Variants in BLVRA observed in about 807,000 individuals in gnomAD.
The protein encoded by BLVRA is biliverdin reductase A.
A neutral mutation model predicts 32.8 loss-of-function variants in BLVRA; 22 were observed. The observed-to-expected ratio is 0.67, with a 90% confidence interval of 0.48 to 0.96. BLVRA has a LOEUF of 0.96. BLVRA is among the 40% of genes least tolerant of loss of function. The pLI is 0.00. For synonymous variants in BLVRA, 119 were observed against 141.3 expected (o/e 0.84, Z 1.12); for missense variants, 323 against 358.1 (o/e 0.90, Z 0.79).
rs2095778828 is a variant in BLVRA, at chr7:43,787,198, C to T, written c.13-706C>T. ...TCGGCCTCCCAAAGTGCTGGGATTA[C>T]AGGCGTGAGCCACCGTGCCCAGTGC... On this transcript the variant is annotated intron_variant, in intron 2 of 7. Transcript: ENST00000265523. The surrounding 1 kb of genome is among the most constrained non-coding windows in gnomAD (Gnocchi z 4.5). 6.6e-6 allele frequency among the ~76,000 whole-genome samples: 1 copy of T among 152,204 alleles called. No homozygotes were observed. Among genetic ancestry groups the T allele is most frequent in the Non-Finnish European group, 1.5e-5 (1 of 68,042 alleles).
chr7:43,792,712 A>G lies in BLVRA; in HGVS notation c.255-3A>G, dbSNP rs1585735376. 1.2e-6 allele frequency: 2 copies of G among 1,613,816 alleles called. No homozygotes were observed. The highest frequency in any genetic ancestry group is 1.7e-6 in the Non-Finnish European group (2 of 1,179,734). On this transcript the variant is annotated splice_polypyrimidine_tract_variant and splice_region_variant and intron_variant, in intron 4 of 7. Coordinates refer to ENST00000265523, the MANE Select transcript of BLVRA (RefSeq NM_000712.4). ...TTCTCTGTATTTGTCTCGTTTACCAAAGGCAGTTCCTTAATGCTGGCAAGC... is the reference window on the plus strand; with the variant it reads ...TTCTCTGTATTTGTCTCGTTTACCAGAGGCAGTTCCTTAATGCTGGCAAGC...
Position 43,773,959 on chromosome 7 carries a change from A to G in BLVRA, c.12+2789A>G, listed in dbSNP as rs1373049774. ...CTTCTTTTGAGAAGTGTCTATTCAT[A>G]TCCTTCGCCCACTTTTTGATGGGGT... On this transcript the variant is annotated intron_variant, in intron 2 of 7. Transcript: ENST00000265523. Among the ~76,000 whole-genome samples the G allele has an allele frequency of 2.0e-5, 3 of 152,260 alleles. No homozygotes were observed. The East Asian group carries it at 5.8e-4, about 29-fold the overall frequency.
intron 1 of BLVRA, among the ~76,000 whole-genome samples, chr7:43,762,121 G>T (rs1015239752): frequency 1.3e-5 from 2 of 152,126 alleles, no homozygotes; most frequent in African/African-American, 2.4e-5. Context: ...CGTTTGAGGA[G>T]GAACAAGGAG....
At chr7:43,770,133 T>C (rs10245471) in intron 1 of BLVRA, among the ~76,000 whole-genome samples, 23,113 of 152,194 alleles carry the variant, frequency 0.15, 2,206 homozygotes, top group Non-Finnish European at 0.21. Flanking sequence ...TTCAGAGGCC[T>C]TCTGCCCTCT....
chr7:43,792,685 CT>C (rs759609034), intron 4 of BLVRA, 29 bp from the exon 5 acceptor site: 16 of 1,583,140 alleles, frequency 1.0e-5, no homozygotes, highest in Non-Finnish European at 1.4e-5. Flanking sequence ...TCGAAGTGTT[CT>C]TTCTCTGTAT....
At chr7:43,759,136 C>T (rs1345836606) in intron 1 of BLVRA, among the ~76,000 whole-genome samples, 2 of 152,222 alleles carry the variant, frequency 1.3e-5, no homozygotes, top group African/African-American at 4.8e-5. Context: ...CACCGCAGGG[C>T]CGCTAGCTCG....
At chr7:43,802,532 C>T (rs2095799756) in intron 6 of BLVRA, among the ~76,000 whole-genome samples, 1 of 152,084 alleles carries the variant, frequency 6.6e-6, no homozygotes, top group South Asian at 2.1e-4. Flanking sequence ...GGGTATCACT[C>T]TGTCACCCAG....
intron 5 of BLVRA, among the ~76,000 whole-genome samples, chr7:43,797,963 A>G (rs3094952): frequency 0.8 from 121,212 of 151,718 alleles, 48,525 homozygotes; most frequent in Admixed American, 0.85. Flanking sequence ...AGGCCAAGGC[A>G]GGCAGATTAC....
chr7:43,783,275 G>A (rs1026296351), intron 2 of BLVRA, among the ~76,000 whole-genome samples: 5 of 152,164 alleles, frequency 3.3e-5, no homozygotes, highest in Non-Finnish European at 5.9e-5. Flanking sequence ...CCCAGCAAGA[G>A]CATGTCGCCA....
chr7:43,778,928 G>A (rs1004430430), intron 2 of BLVRA, among the ~76,000 whole-genome samples: 11 of 152,232 alleles, frequency 7.2e-5, no homozygotes, highest in South Asian at 2.1e-4. Context: ...AGCAATCAGC[G>A]AGACTCCGTG....
Position 43,771,118 on chromosome 7 carries a change from C to T in BLVRA, c.-21-20C>T. On this transcript the variant is annotated intron_variant, in intron 1 of 7. Transcript: ENST00000265523. ...GGCAGGTGCCACCAGGGACCTGAAC[C>T]TCTGCTTTTGTCTTTACAGTGACCG... 1.9e-6 allele frequency: 3 copies of T among 1,613,732 alleles called. No individual in the cohort carries two copies. The highest frequency in any genetic ancestry group is 2.7e-5 in the African/African-American group (2 of 75,040).
intron 2 of BLVRA, among the ~76,000 whole-genome samples, chr7:43,778,375 G>C (rs1340297607): frequency 6.6e-6 from 1 of 152,222 alleles, no homozygotes; most frequent in Non-Finnish European, 1.5e-5. Flanking sequence ...AGGACCCTCA[G>C]TTGCAGGTCT....
chr7:43,762,680 C>T (rs7784427), intron 1 of BLVRA, among the ~76,000 whole-genome samples: 2 of 144,314 alleles, frequency 1.4e-5, no homozygotes, highest in Non-Finnish European at 3.0e-5. Flanking sequence ...GGGACGGTCT[C>T]GGCTCATTGC....
At chr7:43,774,388 A>T (rs1448721191) in intron 2 of BLVRA, among the ~76,000 whole-genome samples, 5 of 152,214 alleles carry the variant, frequency 3.3e-5, no homozygotes, top group African/African-American at 4.8e-5. Context: ...CCATTTATTA[A>T]ATAGGGAATC....
At chr7:43,797,952 G>A (rs1328185603) in intron 5 of BLVRA, among the ~76,000 whole-genome samples, 2 of 151,872 alleles carry the variant, frequency 1.3e-5, no homozygotes, top group Non-Finnish European at 2.9e-5. Context: ...AGCACTTTGG[G>A]AGGCCAAGGC....
chr7:43,795,740 A>G (rs1433601111), intron 5 of BLVRA, among the ~76,000 whole-genome samples: 3 of 152,146 alleles, frequency 2.0e-5, no homozygotes, highest in African/African-American at 7.2e-5. Context: ...GAAAAGCAAT[A>G]GAAAAAAATC....
At chr7:43,763,170 A>G (rs1219142670) in intron 1 of BLVRA, among the ~76,000 whole-genome samples, 1 of 152,152 alleles carries the variant, frequency 6.6e-6, no homozygotes, top group African/African-American at 2.4e-5. Context: ...TTCAGTGGGC[A>G]CCATCCCCTC....
intron 1 of BLVRA, chr7:43,764,247 CACTAAGGGA>C (rs2095745442): frequency 6.6e-6 from 1 of 152,094 alleles, no homozygotes; most frequent in Non-Finnish European, 1.5e-5. Flanking sequence ...CATCTTTCAG[CACTAAGGGA>C]ACATAGTTAT....
At chr7:43,773,243 T>G (rs1194310377) in intron 2 of BLVRA, among the ~76,000 whole-genome samples, 1 of 152,114 alleles carries the variant, frequency 6.6e-6, no homozygotes, top group Non-Finnish European at 1.5e-5. Flanking sequence ...ACTCATTAAC[T>G]TGTCATTTAA....
Sources: allele counts gnomAD v4.1 joint callset (sites outside exome capture counted in the v4.1 genomes callset), GRCh38; gene constraint gnomAD v4.1.1; non-coding constraint Gnocchi (gnomAD v3.1); transcripts MANE v1.5; gene names NCBI Gene and HGNC (gene_info 2026-07-23, HGNC 2026-07-21).